Variants in RABGAP1L observed in about 807,000 individuals in gnomAD.
RABGAP1L encodes the protein RAB GTPase activating protein 1 like.
In RABGAP1L, 63 loss-of-function variants were observed where a neutral mutation model predicts 137.7. That is an observed-to-expected ratio of 0.46 (90% CI 0.37 to 0.56). The LOEUF is 0.56. Ranked by LOEUF, RABGAP1L falls within the 20% of genes least tolerant of loss-of-function variation. The probability of loss-of-function intolerance (pLI) is 0.00; values close to 1 mark genes in which losing one functional copy is unlikely to be tolerated. For synonymous variants in RABGAP1L, 431 were observed against 433.7 expected (o/e 0.99, Z 0.08); for missense variants, 1,095 against 1,244.0 (o/e 0.88, Z 1.80).
intron 13 of RABGAP1L, among the ~76,000 whole-genome samples, chr1:174,614,875 C>G (rs897436097): frequency 3.9e-5 from 6 of 152,150 alleles, no homozygotes; most frequent in African/African-American, 1.4e-4. Flanking sequence ...CGTATCGGCT[C>G]CTGAGGCTTC....
chr1:174,883,786 T>C (rs1258033464), intron 19 of RABGAP1L, among the ~76,000 whole-genome samples: 1 of 152,070 alleles, frequency 6.6e-6, no homozygotes, highest in Non-Finnish European at 1.5e-5. Context: ...CACTTGACAG[T>C]GGGAGTGTAA....
intron 19 of RABGAP1L, among the ~76,000 whole-genome samples, chr1:174,867,109 A>G (rs935898521): frequency 1.3e-5 from 2 of 151,902 alleles, no homozygotes; most frequent in Non-Finnish European, 2.9e-5. Flanking sequence ...ATAGCCAGCC[A>G]TGGTGGCTCA....
At chr1:174,541,802 AG>A (rs1665475630) in intron 13 of RABGAP1L, among the ~76,000 whole-genome samples, 1 of 152,114 alleles carries the variant, frequency 6.6e-6, no homozygotes, top group Non-Finnish European at 1.5e-5. Context: ...TTTAGCGTGA[AG>A]GGCTGTTGAA....
intron 18 of RABGAP1L, among the ~76,000 whole-genome samples, chr1:174,802,910 A>G (rs1287410384): frequency 6.6e-6 from 1 of 152,236 alleles, no homozygotes; most frequent in East Asian, 1.9e-4. Flanking sequence ...GAATCCTGCC[A>G]CATGCAGTAT....
intron 13 of RABGAP1L, among the ~76,000 whole-genome samples, chr1:174,605,358 A>C (rs924200696): frequency 6.6e-6 from 1 of 152,178 alleles, no homozygotes; most frequent in Non-Finnish European, 1.5e-5. Context: ...CCAGAAAGTC[A>C]ACAAGCAAAA....
At chr1:174,571,535 C>T (rs1331709806) in intron 13 of RABGAP1L, among the ~76,000 whole-genome samples, 1 of 151,830 alleles carries the variant, frequency 6.6e-6, no homozygotes, top group East Asian at 1.9e-4. Flanking sequence ...TCAATTACCC[C>T]ATAAATATAT....
intron 19 of RABGAP1L, among the ~76,000 whole-genome samples, chr1:174,839,200 G>T (rs925141249): frequency 2.0e-5 from 3 of 152,074 alleles, no homozygotes; most frequent in Non-Finnish European, 2.9e-5. Flanking sequence ...TTCTCCATCT[G>T]TGTTCCTATA....
At chr1:174,596,205 G>C (rs966526041) in intron 13 of RABGAP1L, among the ~76,000 whole-genome samples, 1 of 94,802 alleles carries the variant, frequency 1.1e-5, no homozygotes, top group Admixed American at 8.7e-5. Flanking sequence ...GCCTCGCCCT[G>C]CTTCGGCTCG....
At chr1:174,427,441 C>G (rs968266657) in intron 13 of RABGAP1L, among the ~76,000 whole-genome samples, 2 of 151,890 alleles carry the variant, frequency 1.3e-5, no homozygotes, top group Non-Finnish European at 2.9e-5. Context: ...CTTTCCTTTC[C>G]CAATTTCTGT....
chr1:174,543,943 A>G (rs1201423525), intron 13 of RABGAP1L, among the ~76,000 whole-genome samples: 1 of 152,218 alleles, frequency 6.6e-6, no homozygotes, highest in Non-Finnish European at 1.5e-5. Flanking sequence ...TCTGGCTTGT[A>G]AACTTTCTGC....
chr1:174,190,741 C>T (rs538957510), intron 1 of RABGAP1L, among the ~76,000 whole-genome samples: 6 of 152,288 alleles, frequency 3.9e-5, no homozygotes, highest in East Asian at 3.9e-4. Flanking sequence ...CTTCACTGAC[C>T]GGTACAAGAG....
chr1:174,414,191 C>A (rs1011174499), intron 13 of RABGAP1L, among the ~76,000 whole-genome samples: 4 of 151,726 alleles, frequency 2.6e-5, no homozygotes, highest in South Asian at 2.1e-4. Context: ...ATTTCTAGGC[C>A]ACATGGTTGG....
chr1:174,598,902 T>A (rs1011177791), intron 13 of RABGAP1L, among the ~76,000 whole-genome samples: 1 of 152,188 alleles, frequency 6.6e-6, no homozygotes, highest in African/African-American at 2.4e-5. Flanking sequence ...TTCACTTACA[T>A]TCAATATTGT....
chr1:174,266,413 G>A (rs1341330938), intron 7 of RABGAP1L, among the ~76,000 whole-genome samples: 1 of 152,126 alleles, frequency 6.6e-6, no homozygotes, highest in African/African-American at 2.4e-5. Context: ...ACCACTGGAA[G>A]GCAAAATCTT....
At chr1:174,184,057 C>T (rs559178762) in intron 1 of RABGAP1L, among the ~76,000 whole-genome samples, 6 of 151,690 alleles carry the variant, frequency 4.0e-5, no homozygotes, top group Non-Finnish European at 5.9e-5. Context: ...TTAGTAGAGA[C>T]GGGGTTTCAC....
intron 11 of RABGAP1L, among the ~76,000 whole-genome samples, chr1:174,356,960 CAT>C (rs1236235336): frequency 6.6e-6 from 1 of 151,178 alleles, no homozygotes; most frequent in African/African-American, 2.4e-5. Flanking sequence ...CCATTGAGCA[CAT>C]GTTTAGATTG....
At chr1:174,954,543 T>C (rs1668227201) in intron 19 of RABGAP1L, among the ~76,000 whole-genome samples, 1 of 152,080 alleles carries the variant, frequency 6.6e-6, no homozygotes, top group South Asian at 2.1e-4. Context: ...AAATTGATAA[T>C]AGTTTGAAGT....
intron 19 of RABGAP1L, among the ~76,000 whole-genome samples, chr1:174,826,253 CAG>C (rs754083249): frequency 7.2e-5 from 11 of 152,110 alleles, no homozygotes; most frequent in Non-Finnish European, 1.3e-4. Flanking sequence ...TTTTTGGAGA[CAG>C]AGTTTCACTC....
chr1:174,299,834 G>A (rs544930187), intron 10 of RABGAP1L, among the ~76,000 whole-genome samples: 98 of 152,242 alleles, frequency 6.4e-4, no homozygotes, highest in Non-Finnish European at 9.0e-4. Context: ...AAATGTTACA[G>A]TCTCCAAAGT....
Sources: gnomAD v4.1 joint callset for allele counts (sites outside exome capture counted in the v4.1 genomes callset) on GRCh38, gnomAD v4.1.1 for gene constraint, MANE v1.5 for transcripts, NCBI Gene and HGNC (gene_info 2026-07-23, HGNC 2026-07-21) for gene names.